The following TLK1 variants were observed in gnomAD, a reference collection of about 807,000 sequenced individuals.
TLK1 encodes tousled like kinase 1.
TLK1 carries 24 observed loss-of-function variants against 105.3 expected under a neutral mutation model. The ratio of observed to expected loss-of-function variants is 0.23; its 90% confidence interval spans 0.17 to 0.32. The LOEUF (loss-of-function observed/expected upper bound fraction) is 0.32, where lower values mean the gene tolerates loss of function less well. Ranked by LOEUF, TLK1 falls within the 10% of genes least tolerant of loss-of-function variation. The pLI, the probability that TLK1 is intolerant of heterozygous loss-of-function variation, is 1.00. For missense variants in TLK1, 558 were observed against 910.5 expected, an observed-to-expected ratio of 0.61 and a Z score of 4.98; for synonymous variants, 321 against 310.4, an observed-to-expected ratio of 1.03 and a Z score of -0.36.
At chr2:171,082,917 TAAAC>T in intron 2 of TLK1, 65 bp from the exon 3 acceptor site, 3 of 1,067,076 alleles carry the variant, frequency 2.8e-6, no homozygotes, top group South Asian at 1.4e-5. Context: ...GGAATAATTT[TAAAC>T]AAACATATTA....
intron 1 of TLK1, among the ~76,000 whole-genome samples, chr2:171,144,191 C>A (rs1212905133): frequency 3.3e-5 from 5 of 152,000 alleles, no homozygotes; most frequent in Non-Finnish European, 7.4e-5. Context: ...GCAAAACTGA[C>A]AGAATTAAAG....
intron 1 of TLK1, among the ~76,000 whole-genome samples, chr2:171,213,502 C>T (rs1411408925): frequency 6.6e-6 from 1 of 151,540 alleles, no homozygotes; most frequent in African/African-American, 2.4e-5. Flanking sequence ...CATGCCAGGC[C>T]TATATCTTTT....
At chr2:171,029,876 G>C (rs986891659) in intron 11 of TLK1, among the ~76,000 whole-genome samples, 1 of 152,084 alleles carries the variant, frequency 6.6e-6, no homozygotes, top group Non-Finnish European at 1.5e-5. Context: ...CTCCAGAGTA[G>C]CTGCGACTAC....
At chr2:171,033,610 G>GGATA (rs1488087360) in intron 11 of TLK1, among the ~76,000 whole-genome samples, 1 of 149,090 alleles carries the variant, frequency 6.7e-6, no homozygotes, top group Non-Finnish European at 1.5e-5. Flanking sequence ...TTGAGGTCAT[G>GGATA]GATACCCCAT....
chr2:171,136,631 A>G (rs1443288773), intron 1 of TLK1, among the ~76,000 whole-genome samples: 1 of 152,224 alleles, frequency 6.6e-6, no homozygotes, highest in Non-Finnish European at 1.5e-5. Context: ...TTTTTTAACC[A>G]CAATTACAAT....
chr2:171,154,954 TTA>T (rs1692177130), intron 1 of TLK1, among the ~76,000 whole-genome samples: 1 of 152,180 alleles, frequency 6.6e-6, no homozygotes, highest in South Asian at 2.1e-4. Context: ...ACAGAAGAGA[TTA>T]TGTGCCATGC....
intron 12 of TLK1, among the ~76,000 whole-genome samples, chr2:171,019,385 T>C (rs1185417637): frequency 6.6e-6 from 1 of 152,140 alleles, no homozygotes; most frequent in Non-Finnish European, 1.5e-5. Context: ...GAATCTGGAG[T>C]ATTTTGGAGC....
At chr2:171,221,320 C>G (rs922319702) in intron 1 of TLK1, among the ~76,000 whole-genome samples, 1 of 152,114 alleles carries the variant, frequency 6.6e-6, no homozygotes, top group Non-Finnish European at 1.5e-5. Context: ...TGAAAAAGAA[C>G]TAGATTTGGG....
intron 4 of TLK1, chr2:171,059,876 G>C: frequency 1.1e-6 from 1 of 947,088 alleles, no homozygotes; most frequent in Non-Finnish European, 1.7e-6. Flanking sequence ...CCGCTGATCT[G>C]ACAGGAGGCC....
intron 12 of TLK1, among the ~76,000 whole-genome samples, chr2:171,019,115 A>T (rs1489674361): frequency 2.6e-5 from 4 of 150,972 alleles, no homozygotes; most frequent in African/African-American, 9.9e-5. Context: ...AACAGTTAAA[A>T]TTAAAAAAAA....
intron 3 of TLK1, among the ~76,000 whole-genome samples, chr2:171,070,195 T>TA (rs1182667734): frequency 6.6e-6 from 1 of 151,142 alleles, no homozygotes; most frequent in Non-Finnish European, 1.5e-5. Flanking sequence ...TTTTTTTTTT[T>TA]AATCATTGTG....
intron 3 of TLK1, chr2:171,066,765 C>CT (rs1226569773): frequency 4.8e-6 from 7 of 1,462,008 alleles, no homozygotes; most frequent in Non-Finnish European, 6.5e-6. Context: ...CTGGCTATCC[C>CT]TTTAAGGCTT....
chr2:171,145,587 C>T (rs1253906735), intron 1 of TLK1, among the ~76,000 whole-genome samples: 6 of 133,512 alleles, frequency 4.5e-5, no homozygotes, highest in Admixed American at 2.2e-4. Context: ...GAGACTCTGT[C>T]TCAAAAAAAA....
chr2:171,015,082 C>A, intron 12 of TLK1, 134 bp from the exon 13 acceptor site: 1 of 666,832 alleles, frequency 1.5e-6, no homozygotes, highest in Non-Finnish European at 2.6e-6. Flanking sequence ...GTTAAAAGAC[C>A]AAAGTGCTCT....
intron 1 of TLK1, among the ~76,000 whole-genome samples, chr2:171,190,825 T>G (rs998125788): frequency 5.9e-5 from 9 of 152,230 alleles, no homozygotes; most frequent in African/African-American, 2.2e-4. Flanking sequence ...TCTAATTTAT[T>G]GTGATTTCTT....
chr2:171,201,354 T>C (rs218311), intron 1 of TLK1, among the ~76,000 whole-genome samples: 82,623 of 152,052 alleles, frequency 0.54, 24,894 homozygotes, highest in East Asian at 0.69. Context: ...TATTTTGTCA[T>C]CAATCGTTAT....
intron 2 of TLK1, among the ~76,000 whole-genome samples, chr2:171,097,993 A>G (rs1455256783): frequency 6.6e-6 from 1 of 152,060 alleles, no homozygotes; most frequent in Admixed American, 6.6e-5. Context: ...AGAGAGAGAA[A>G]GAAAGAGAAA....
intron 12 of TLK1, among the ~76,000 whole-genome samples, chr2:171,019,215 A>C (rs1427798511): frequency 2.0e-5 from 3 of 152,204 alleles, no homozygotes; most frequent in Non-Finnish European, 4.4e-5. Flanking sequence ...TCTATTTGTA[A>C]TCAAAGTCTC....
At position 170,993,720 on chromosome 2, in the gene TLK1, C is replaced by G; in HGVS notation, c.*60G>C. ...AAGAAAACAAACACTCAAATGCTCT[C>G]AAACTTAAGTGTGCATCTGGAAGCA... On this transcript the variant is annotated 3_prime_UTR_variant, in exon 21 of 21. Coordinates refer to ENST00000431350, the MANE Select transcript of TLK1 (RefSeq NM_012290.5). 8.7e-7 allele frequency: 1 copy of G among 1,155,914 alleles called. No homozygotes were observed. Among genetic ancestry groups the G allele is most frequent in the Non-Finnish European group, 1.2e-6 (1 of 862,114 alleles). 71.6% of individuals were successfully genotyped at this position (1,155,914 alleles called of 1,614,324 possible). A position where few individuals can be genotyped will look rare whatever the true frequency, so the allele number is the denominator to read the frequency against.
Sources: allele counts gnomAD v4.1 joint callset (sites outside exome capture counted in the v4.1 genomes callset), GRCh38; gene constraint gnomAD v4.1.1; transcripts MANE v1.5; gene names NCBI Gene and HGNC (gene_info 2026-07-23, HGNC 2026-07-21).